PTK7: variants seen among roughly 807,000 people sequenced by gnomAD.
The protein encoded by PTK7 is inactive tyrosine-protein kinase 7.
A neutral mutation model predicts 116.6 loss-of-function variants in PTK7; 39 were observed. The ratio of observed to expected loss-of-function variants is 0.33; its 90% CI spans 0.26 to 0.44. The LOEUF (loss-of-function observed/expected upper bound fraction) is 0.44. PTK7 is among the 20% of genes least tolerant of loss of function. The pLI is 1.00. For missense variants in PTK7, 1,169 were observed against 1,425.6 expected (o/e 0.82, Z 2.90); for synonymous variants, 546 against 563.6 (o/e 0.97, Z 0.44).
chr6:43,079,823 C>T (rs1766267128), intron 1 of PTK7, among the ~76,000 whole-genome samples: 1 of 148,738 alleles, frequency 6.7e-6, no homozygotes, highest in African/African-American at 2.5e-5. Flanking sequence ...CTTTGGGAGG[C>T]AGAGGGAGGA....
intron 17 of PTK7, among the ~76,000 whole-genome samples, chr6:43,147,752 C>G (rs1261377434): frequency 6.6e-6 from 1 of 152,176 alleles, no homozygotes; most frequent in Non-Finnish European, 1.5e-5. Context: ...TTACTAAGAC[C>G]CAGACAGGAC....
Position 43,129,039 on chromosome 6 carries a change from C to G in PTK7, c.142C>G (p.Arg48Gly), listed in dbSNP as rs763623638. Residue 48 changes from arginine (R) to glycine (G), a missense_variant, in exon 2 of 20, where the codon CGG becomes GGG. Arg to Gly is a moderately radical substitution (Grantham distance 125, BLOSUM62 -2). Transcript: ENST00000230419. The surrounding 1 kb of genome is among the most constrained non-coding windows in gnomAD (Gnocchi z 4.5). ...PSSQDALQGRRALLRCEVEAP... is the reference protein window; with the variant it reads ...PSSQDALQGRGALLRCEVEAP... Reference sequence around the variant, plus strand: ...CTCCCAGGATGCACTGCAGGGGCGCCGGGCGCTGCTTCGCTGTGAGGTTGA... The same window carrying G: ...CTCCCAGGATGCACTGCAGGGGCGCGGGGCGCTGCTTCGCTGTGAGGTTGA... 2 of 1,614,022 alleles carry G rather than the reference C, an allele frequency of 1.2e-6. No homozygotes were observed. Among genetic ancestry groups the G allele is most frequent in the Admixed American group, 1.7e-5 (1 of 60,004 alleles).
intron 17 of PTK7, among the ~76,000 whole-genome samples, chr6:43,156,551 T>C (rs1771446357): frequency 6.6e-6 from 1 of 151,000 alleles, no homozygotes. Context: ...GAGGCTGCAG[T>C]GAACCGTGAT....
rs1439062897 is a variant in PTK7, at chr6:43,098,334, G to GT, written c.79+21767_79+21768insT. ...TTCACGTCCTGTCATTTCTCTCTTGGAATGCTGCTGGAAAAAAGAAGCAAA... is the reference window on the plus strand; with the variant it reads ...TTCACGTCCTGTCATTTCTCTCTTGGTAATGCTGCTGGAAAAAAGAAGCAAA... On this transcript the variant is annotated intron_variant, in intron 1 of 19. Coordinates refer to ENST00000230419, the MANE Select transcript of PTK7 (RefSeq NM_002821.5). Among the ~76,000 whole-genome samples the GT allele has an allele frequency of 2.6e-5, 4 of 151,758 alleles. No individual in the cohort carries two copies. The South Asian group carries it at 8.4e-4, about 32-fold the overall frequency.
chr6:43,100,893 AAAATT>A (rs1288513601), intron 1 of PTK7, among the ~76,000 whole-genome samples: 8 of 152,244 alleles, frequency 5.3e-5, no homozygotes, highest in African/African-American at 1.9e-4. Flanking sequence ...TGTGAAAAAA[AAAATT>A]AAAATGACTG....
At position 43,132,127 on chromosome 6, in the gene PTK7, C is replaced by G; in HGVS notation, c.924C>G (p.Gly308=). ...IYRCIGQGQR[G]PPIILEATLH... ...GCTGCATTGGCCAGGGGCAGAGGGG[C>G]CCACCCATCATCCTGGAAGCCACAC... The change falls in exon 6 of 20, where the codon GGC becomes GGG. Residue 308 remains glycine, a synonymous_variant. Transcript: ENST00000230419. The G allele has an allele frequency of 1.2e-6, 2 of 1,612,880 alleles. No homozygotes were observed. The highest frequency in any genetic ancestry group is 1.7e-6 in the Non-Finnish European group (2 of 1,179,118).
At chr6:43,116,074 G>A (rs1189331853) in intron 1 of PTK7, among the ~76,000 whole-genome samples, 2 of 151,978 alleles carry the variant, frequency 1.3e-5, no homozygotes, top group Non-Finnish European at 2.9e-5. Context: ...CCCTCAGTCT[G>A]GAGCCTTCTC....
At chr6:43,109,247 T>G (rs1768060452) in intron 1 of PTK7, among the ~76,000 whole-genome samples, 1 of 152,094 alleles carries the variant, frequency 6.6e-6, no homozygotes, top group Non-Finnish European at 1.5e-5. Context: ...TGCTATGTTG[T>G]CCAAGCTGAA....
chr6:43,148,761 A>T (rs6915327), intron 17 of PTK7, among the ~76,000 whole-genome samples: 77,033 of 149,632 alleles, frequency 0.51, 20,818 homozygotes, highest in African/African-American at 0.72. Flanking sequence ...CATAGAGAGG[A>T]TGCTTTTAAA....
chr6:43,144,870 G>T, intron 15 of PTK7: 1 of 420,984 alleles, frequency 2.4e-6, no homozygotes, highest in Non-Finnish European at 4.2e-6. Flanking sequence ...AAAAAACTAA[G>T]TTACCATTGT....
chr6:43,129,527 G>A lies in PTK7; in HGVS notation c.368-200G>A. 1.5e-6 allele frequency: 1 copy of A among 687,944 alleles called. No homozygotes were observed. The highest frequency in any genetic ancestry group is 2.4e-6 in the Non-Finnish European group (1 of 416,550). The allele number at this position is 687,944 out of a possible 1,614,324, so 42.6% of individuals were successfully genotyped here. A position where few individuals can be genotyped will look rare whatever the true frequency, so the allele number is the denominator to read the frequency against. On this transcript the variant is annotated intron_variant, in intron 2 of 19. Coordinates refer to ENST00000230419, the MANE Select transcript of PTK7 (RefSeq NM_002821.5). This position sits in a 1 kb window ranked among gnomAD's most constrained non-coding sequence, Gnocchi z 4.5. Reference sequence around the variant, plus strand: ...AAAGGGCGGCCGAGCCCTTGGCCAAGTGTCAGACTTGACCTGCCAGGGACC... The same window carrying A: ...AAAGGGCGGCCGAGCCCTTGGCCAAATGTCAGACTTGACCTGCCAGGGACC...
rs986327432 is a variant in PTK7 at position 43,129,099 on chromosome 6, G to A, written c.202G>A (p.Asp68Asn). 21 of 1,614,076 alleles carry A rather than the reference G, an allele frequency of 1.3e-5. No individual in the cohort carries two copies. The African/African-American group carries it at 1.6e-4, about 12-fold the overall frequency. Residue 68 changes from aspartate to asparagine, a missense_variant, in exon 2 of 20, where the codon GAT becomes AAT. Asp to Asn is a conservative substitution (Grantham distance 23, BLOSUM62 1). This residue lies in a region of PTK7 where 487 missense variants were observed against 549.8 expected (regional missense o/e 0.89). Transcript: ENST00000230419. This position sits in a 1 kb window ranked among gnomAD's most constrained non-coding sequence, Gnocchi z 4.5. The part of the protein sequence containing the change: ...PGPVHVYWLL[D>N]GAPVQDTERR... ...CCCGGTACATGTGTACTGGCTGCTC[G>A]ATGGGGCCCCTGTCCAGGACACGGA...
chr6:43,158,833 A>G lies in PTK7; in HGVS notation c.2738A>G (p.Gln913Arg). The G allele has an allele frequency of 6.2e-7, 1 of 1,614,124 alleles. No homozygotes were observed. Among genetic ancestry groups the G allele is most frequent in the Non-Finnish European group, 8.5e-7 (1 of 1,179,972 alleles). The stretch of plus-strand genomic sequence containing the variant: ...TCTCTCCAGGTGGCCCTATGCACCC[A>G]GGTAGCCCTGGGCATGGAGCACCTG... ...STKQKVALCT[Q>R]VALGMEHLSN... The change falls in exon 18 of 20, where the codon CAG becomes CGG. Residue 913 changes from glutamine to arginine, a missense_variant. Around this residue, in one of 3 missense-constraint regions of PTK7, gnomAD observed 678 missense variants for 853.8 expected, o/e 0.79. Coordinates refer to ENST00000230419, the MANE Select transcript of PTK7 (RefSeq NM_002821.5).
intron 1 of PTK7, among the ~76,000 whole-genome samples, chr6:43,107,045 C>T (rs1767935503): frequency 6.6e-6 from 1 of 152,038 alleles, no homozygotes; most frequent in Non-Finnish European, 1.5e-5. Context: ...GCCTCAGCCT[C>T]CTGAGTAGCT....
Position 43,141,699 on chromosome 6 carries a change from C to A in PTK7, c.1650C>A (p.Asp550Glu). ...GCAGCCTCCCAGAGTGGGTGACAGA[C>A]AACGCTGGGACCCTGCATTTTGCCC... ...DGSSLPEWVT[D>E]NAGTLHFARV... Residue 550 changes from aspartate to glutamate, a missense_variant, in exon 11 of 20, where the codon GAC becomes GAA. Physicochemically the swap from Asp to Glu is conservative, Grantham distance 45. Around this residue, in one of 3 missense-constraint regions of PTK7, gnomAD observed 678 missense variants for 853.8 expected, o/e 0.79. Transcript: ENST00000230419. The surrounding 1 kb of genome is among the most constrained non-coding windows in gnomAD (Gnocchi z 4.9). The A allele has an allele frequency of 6.2e-7, 1 of 1,614,176 alleles. No homozygotes were observed.
chr6:43,143,695 G>A lies in PTK7; in HGVS notation c.2251+75G>A. ...CCCTCCCGCGGCCACGGAGGGGAGA[G>A]CGCCAGCACTCTGGAAACCGAGCGG... On this transcript the variant is annotated intron_variant, in intron 14 of 19. Coordinates refer to ENST00000230419, the MANE Select transcript of PTK7 (RefSeq NM_002821.5). This position sits in a 1 kb window ranked among gnomAD's most constrained non-coding sequence, Gnocchi z 4.2. 6.7e-7 allele frequency: 1 copy of A among 1,486,852 alleles called. No homozygotes were observed. The highest frequency in any genetic ancestry group is 2.4e-5 in the East Asian group (1 of 41,506). 92.1% of individuals were successfully genotyped at this position (1,486,852 alleles called of 1,614,324 possible). A position where few individuals can be genotyped will look rare whatever the true frequency, so the allele number is the denominator to read the frequency against.
chr6:43,130,599 C>T lies in PTK7; in HGVS notation c.750C>T (p.Ala250=). 6.2e-7 allele frequency: 1 copy of T among 1,614,140 alleles called. No homozygotes were observed. Among genetic ancestry groups the T allele is most frequent in the Non-Finnish European group, 8.5e-7 (1 of 1,180,032 alleles). The change falls in exon 5 of 20, where the codon GCC becomes GCT. Residue 250 remains alanine, a synonymous_variant. Coordinates refer to ENST00000230419, the MANE Select transcript of PTK7 (RefSeq NM_002821.5). ...EEAMFHCQFS[A]QPPPSLQWLF... is the part of the protein sequence containing the mutation. ...CCATGTTCCATTGCCAGTTCTCAGC[C>T]CAGCCACCCCCGAGCCTGCAGTGGC...
intron 1 of PTK7, among the ~76,000 whole-genome samples, chr6:43,089,778 G>GTC (rs1397939366): frequency 6.6e-6 from 1 of 152,048 alleles, no homozygotes; most frequent in Non-Finnish European, 1.5e-5. Flanking sequence ...CTGTAGGAAG[G>GTC]TCTCTCTCTC....
At chr6:43,109,632 G>A (rs1768079286) in intron 1 of PTK7, among the ~76,000 whole-genome samples, 1 of 151,844 alleles carries the variant, frequency 6.6e-6, no homozygotes, top group Non-Finnish European at 1.5e-5. Flanking sequence ...TAAAATCTTG[G>A]CCTTCATTTG....
Sources: gnomAD v4.1 joint callset for allele counts (sites outside exome capture counted in the v4.1 genomes callset) on GRCh38, gnomAD v4.1.1 for gene constraint, gnomAD v4.1.1 regional missense constraint, Gnocchi (gnomAD v3.1) non-coding constraint, MANE v1.5 for transcripts, NCBI Gene and HGNC (gene_info 2026-07-23, HGNC 2026-07-21) for gene names.